The following PAPPA variants were observed in gnomAD, a reference collection of about 807,000 sequenced individuals.
The protein encoded by PAPPA is pappalysin 1.
In PAPPA, 60 loss-of-function variants were observed where a neutral mutation model predicts 164.0. The ratio of observed to expected loss-of-function variants is 0.37; its 90% CI spans 0.30 to 0.45. The LOEUF is 0.45. Among genes scored for constraint, PAPPA ranks in the 20% least tolerant of loss-of-function variants. The pLI is 1.00. For missense variants in PAPPA, 1,782 were observed against 2,087.3 expected (o/e 0.85, Z 2.85); for synonymous variants, 875 against 814.1 (o/e 1.07, Z -1.27).
In PAPPA at chr9:116,154,369, G is replaced by C. The variant is rs1843573919; in HGVS notation, c.197G>C (p.Gly66Ala). ...RASPPPPPPP[G>A]GAWEAVRVPR... is the part of the protein sequence containing the mutation. Reference sequence around the variant, plus strand: ...TCGCCGCCGCCGCCGCCGCCGCCGGGCGGTGCCTGGGAAGCCGTGCGCGTC... The same window carrying C: ...TCGCCGCCGCCGCCGCCGCCGCCGGCCGGTGCCTGGGAAGCCGTGCGCGTC... The change falls in exon 1 of 22, where the codon GGC (glycine) becomes GCC (alanine). Residue 66 changes from glycine to alanine, a missense_variant. By Grantham distance (60) the Gly-to-Ala change is moderately conservative (BLOSUM62 0). Around this residue, in one of 2 missense-constraint regions of PAPPA, gnomAD observed 458 missense variants for 430.3 expected, o/e 1.06. Coordinates refer to ENST00000328252, the MANE Select transcript of PAPPA (RefSeq NM_002581.5). This position sits in a 1 kb window ranked among gnomAD's most constrained non-coding sequence, Gnocchi z 5.2. 2 of 969,978 alleles carry C rather than the reference G, an allele frequency of 2.1e-6. No homozygotes were observed. The highest frequency in any genetic ancestry group is 8.9e-5 in the East Asian group (2 of 22,374). 60.1% of individuals were successfully genotyped at this position (969,978 alleles called of 1,614,324 possible).
Position 116,289,368 on chromosome 9 carries a change from G to GGCATATATATGCCATATATATA in PAPPA, c.2954-13379_2954-13378insGCCATATATATAGCATATATAT, listed in dbSNP as rs1564212451. 1.3e-3 allele frequency among the ~76,000 whole-genome samples: 131 copies of GGCATATATATGCCATATATATA among 99,758 alleles called. 7 individuals carry two copies. Among genetic ancestry groups the GGCATATATATGCCATATATATA allele is most frequent in the African/African-American group, 1.7e-3 (44 of 25,888 alleles). 65.4% of individuals were successfully genotyped at this position (99,758 alleles called of 152,430 possible). A position where few individuals can be genotyped will look rare whatever the true frequency, so the allele number is the denominator to read the frequency against. ...TATGGCATATATATGGCATATATAT[G>GGCATATATATGCCATATATATA]GCATATATATAGCATATGTATATAT... On this transcript the variant is annotated intron_variant, in intron 9 of 21. Coordinates refer to ENST00000328252, the MANE Select transcript of PAPPA (RefSeq NM_002581.5).
intron 9 of PAPPA, chr9:116,285,909 T>C (rs993172451): frequency 4.6e-5 from 7 of 152,224 alleles, no homozygotes; most frequent in Non-Finnish European, 5.9e-5. Context: ...ACAATCCTGT[T>C]TGAATAGGAG....
intron 17 of PAPPA, 132 bp from the exon 18 acceptor site, chr9:116,362,460 T>C: frequency 1.1e-6 from 1 of 911,864 alleles, no homozygotes; most frequent in Non-Finnish European, 1.6e-6. Flanking sequence ...TTTCAACCAT[T>C]GTTAAGAAAT....
chr9:116,350,483 C>G (rs911730000), intron 15 of PAPPA, among the ~76,000 whole-genome samples: 1 of 152,190 alleles, frequency 6.6e-6, no homozygotes, highest in African/African-American at 2.4e-5. Context: ...CACCCTCTTC[C>G]AGAAAGCACA....
At chr9:116,167,509 T>A (rs866329220) in intron 1 of PAPPA, among the ~76,000 whole-genome samples, 3 of 152,158 alleles carry the variant, frequency 2.0e-5, no homozygotes, top group Admixed American at 6.5e-5. Context: ...GCCAAAAATG[T>A]TTTTGGATTC....
chr9:116,161,992 A>G (rs1843669794), intron 1 of PAPPA, among the ~76,000 whole-genome samples: 1 of 152,186 alleles, frequency 6.6e-6, no homozygotes. Flanking sequence ...CCAAGGTCGC[A>G]CAAAGATTAG....
intron 5 of PAPPA, among the ~76,000 whole-genome samples, chr9:116,222,810 T>A (rs1213793608): frequency 6.6e-6 from 1 of 152,174 alleles, no homozygotes; most frequent in Non-Finnish European, 1.5e-5. Flanking sequence ...GATAATGCAT[T>A]GTATATTTCA....
chr9:116,264,708 T>G (rs1845046158), intron 7 of PAPPA, among the ~76,000 whole-genome samples: 1 of 152,210 alleles, frequency 6.6e-6, no homozygotes, highest in Non-Finnish European at 1.5e-5. Context: ...GGAATTCTCT[T>G]CATTATCATT....
intron 7 of PAPPA, among the ~76,000 whole-genome samples, chr9:116,245,515 C>T (rs1844786753): frequency 6.6e-6 from 1 of 151,982 alleles, no homozygotes; most frequent in African/African-American, 2.4e-5. Context: ...TGATTATTTG[C>T]ATAGAAAAGT....
intron 7 of PAPPA, among the ~76,000 whole-genome samples, chr9:116,262,859 C>T (rs1295727655): frequency 6.6e-6 from 1 of 152,172 alleles, no homozygotes. Context: ...CCAGCAAAGC[C>T]TTCAGAAGCC....
intron 10 of PAPPA, among the ~76,000 whole-genome samples, chr9:116,330,902 C>G (rs1056324879): frequency 6.6e-6 from 1 of 152,144 alleles, no homozygotes; most frequent in African/African-American, 2.4e-5. Context: ...TCCTCTGAGC[C>G]TTGCTTCTGT....
At chr9:116,231,083 A>G (rs1227463564) in intron 6 of PAPPA, among the ~76,000 whole-genome samples, 1 of 151,952 alleles carries the variant, frequency 6.6e-6, no homozygotes, top group African/African-American at 2.4e-5. Flanking sequence ...GTGTATATAT[A>G]TATAGATATA....
intron 13 of PAPPA, among the ~76,000 whole-genome samples, chr9:116,336,424 T>C (rs1479827306): frequency 6.6e-6 from 1 of 152,208 alleles, no homozygotes; most frequent in African/African-American, 2.4e-5. Flanking sequence ...CTTATTTCAC[T>C]CTAAGAGGAT....
intron 7 of PAPPA, among the ~76,000 whole-genome samples, chr9:116,237,240 G>A (rs1037832180): frequency 1.3e-4 from 20 of 152,196 alleles, no homozygotes; most frequent in Admixed American, 1.0e-3. Context: ...TTGAATCAGA[G>A]ATGAGGAACA....
At chr9:116,340,639 G>T (rs1846124435) in intron 13 of PAPPA, among the ~76,000 whole-genome samples, 1 of 152,134 alleles carries the variant, frequency 6.6e-6, no homozygotes, top group Non-Finnish European at 1.5e-5. Flanking sequence ...AGACAGATGT[G>T]CTGAAAAAGC....
At chr9:116,190,382 A>G (rs1016320508) in intron 2 of PAPPA, among the ~76,000 whole-genome samples, 3 of 152,186 alleles carry the variant, frequency 2.0e-5, no homozygotes, top group Non-Finnish European at 4.4e-5. Flanking sequence ...AGCACCTGCC[A>G]AGTGCCAGGA....
chr9:116,346,567 C>CTCCT (rs1846212582), intron 14 of PAPPA, among the ~76,000 whole-genome samples: 1 of 152,164 alleles, frequency 6.6e-6, no homozygotes, highest in Non-Finnish European at 1.5e-5. Context: ...TTCCTAGTAA[C>CTCCT]TCCTCTAGAG....
chr9:116,272,371 G>T (rs564498672), intron 9 of PAPPA, among the ~76,000 whole-genome samples: 1 of 152,208 alleles, frequency 6.6e-6, no homozygotes, highest in Non-Finnish European at 1.5e-5. Flanking sequence ...GAAAACCTTC[G>T]TGGGAAGATT....
At chr9:116,240,979 C>A (rs967582775) in intron 7 of PAPPA, among the ~76,000 whole-genome samples, 2 of 152,212 alleles carry the variant, frequency 1.3e-5, no homozygotes, top group African/African-American at 4.8e-5. Flanking sequence ...AAGCTTCCAA[C>A]ACAATCTATA....
Sources: gnomAD v4.1 joint callset for allele counts (sites outside exome capture counted in the v4.1 genomes callset) on GRCh38, gnomAD v4.1.1 for gene constraint, gnomAD v4.1.1 regional missense constraint, Gnocchi (gnomAD v3.1) non-coding constraint, MANE v1.5 for transcripts, NCBI Gene and HGNC (gene_info 2026-07-23, HGNC 2026-07-21) for gene names.